Variants in FBN2 observed in about 807,000 individuals in gnomAD.
FBN2 encodes fibrillin-2.
Under a neutral mutation model 355.6 loss-of-function variants are expected in FBN2, and 105 were observed. The ratio of observed to expected loss-of-function variants is 0.30; its 90% CI spans 0.25 to 0.35. The LOEUF is 0.35. Ranked by LOEUF, FBN2 falls within the 10% of genes least tolerant of loss-of-function variation. The probability of loss-of-function intolerance (pLI) is 1.00; values close to 1 mark genes in which losing one functional copy is unlikely to be tolerated. For synonymous variants in FBN2, 1,350 were observed against 1,301.2 expected, an observed-to-expected ratio of 1.04 and a Z score of -0.81; for missense variants, 3,280 against 3,758.7, an observed-to-expected ratio of 0.87 and a Z score of 3.33.
chr5:128,316,779 A>G (rs1159830353), intron 36 of FBN2, among the ~76,000 whole-genome samples: 1 of 152,098 alleles, frequency 6.6e-6, no homozygotes, highest in Non-Finnish European at 1.5e-5. Context: ...GTTTGCTTAC[A>G]TTTTTTAATG....
At chr5:128,455,862 A>C (rs1014705513) in intron 6 of FBN2, among the ~76,000 whole-genome samples, 7 of 151,938 alleles carry the variant, frequency 4.6e-5, no homozygotes, top group Non-Finnish European at 7.4e-5. Context: ...TGGAACGTAC[A>C]GATTATTACA....
chr5:128,267,024 C>T (rs1452232230), intron 62 of FBN2, among the ~76,000 whole-genome samples: 2 of 151,058 alleles, frequency 1.3e-5, no homozygotes, highest in Non-Finnish European at 2.9e-5. Context: ...CCTTTCCCTG[C>T]GTCTATGTGT....
intron 8 of FBN2, among the ~76,000 whole-genome samples, chr5:128,402,853 T>G (rs1455925980): frequency 2.0e-5 from 3 of 152,242 alleles, no homozygotes; most frequent in Non-Finnish European, 4.4e-5. Flanking sequence ...CCTAAAATAC[T>G]TTCATGTTTA....
At chr5:128,419,074 C>T (rs977690688) in intron 7 of FBN2, among the ~76,000 whole-genome samples, 1 of 152,136 alleles carries the variant, frequency 6.6e-6, no homozygotes, top group Admixed American at 6.5e-5. Flanking sequence ...TAAATTTATT[C>T]CTAAGCCATT....
chr5:128,327,766 G>A (rs1354369439), intron 34 of FBN2, among the ~76,000 whole-genome samples: 1 of 152,052 alleles, frequency 6.6e-6, no homozygotes, highest in Non-Finnish European at 1.5e-5. Context: ...TGCCTCCTGA[G>A]TAGCTGGGAT....
intron 48 of FBN2, among the ~76,000 whole-genome samples, chr5:128,300,391 A>G (rs552556749): frequency 6.6e-6 from 1 of 152,202 alleles, no homozygotes; most frequent in Non-Finnish European, 1.5e-5. Flanking sequence ...CTGCTTTGAC[A>G]TGAGGCCTTC....
intron 55 of FBN2, 109 bp downstream of exon 55, chr5:128,286,609 A>G: frequency 7.6e-7 from 1 of 1,319,548 alleles, no homozygotes; most frequent in Admixed American, 1.7e-5. Flanking sequence ...CTGCCTTAAC[A>G]CAGCTGGAAA....
intron 7 of FBN2, among the ~76,000 whole-genome samples, chr5:128,441,111 A>G (rs949946212): frequency 2.0e-5 from 3 of 151,958 alleles, no homozygotes; most frequent in Non-Finnish European, 4.4e-5. Flanking sequence ...AAGGCTCTGT[A>G]TTTTTTTGCC....
Position 128,290,806 on chromosome 5 carries a change from G to A in FBN2, c.6371C>T (p.Ala2124Val), listed in dbSNP as rs1749300450. 6.2e-7 allele frequency: 1 copy of A among 1,614,062 alleles called. No homozygotes were observed. Among genetic ancestry groups the A allele is most frequent in the South Asian group, 1.1e-5 (1 of 91,084 alleles). ...TGGCATCTTACTACAGCAGCATTTT[G>A]CTTTTGTGGTGTTGAAAGCTTTGGG... Reference protein sequence around the residue: ...SVPKAFNTTKAKCCCSKMPGE... With the variant: ...SVPKAFNTTKVKCCCSKMPGE... Residue 2124 changes from alanine to valine, a missense_variant, in exon 50 of 65, where the codon GCA becomes GTA. Ala to Val is a moderately conservative substitution (Grantham distance 64). Transcript: ENST00000262464.
intron 5 of FBN2, among the ~76,000 whole-genome samples, chr5:128,515,143 CAA>C (rs1756246564): frequency 6.6e-6 from 1 of 152,078 alleles, no homozygotes; most frequent in Non-Finnish European, 1.5e-5. Context: ...CAGGAAAATC[CAA>C]ATTTGTCCAT....
intron 7 of FBN2, among the ~76,000 whole-genome samples, chr5:128,442,759 C>T (rs1753956170): frequency 6.6e-6 from 1 of 152,046 alleles, no homozygotes; most frequent in African/African-American, 2.4e-5. Flanking sequence ...CACACAAACA[C>T]ACCACATACA....
At chr5:128,327,161 A>G (rs914781404) in intron 34 of FBN2, among the ~76,000 whole-genome samples, 6 of 152,236 alleles carry the variant, frequency 3.9e-5, no homozygotes, top group Admixed American at 3.9e-4. Flanking sequence ...CTCACCCTAC[A>G]GTTGCCTTAT....
rs185055632 is a variant in FBN2, at chr5:128,478,407, T to A, written c.629-13486A>T. Among the ~76,000 whole-genome samples, 337 of 152,360 alleles carry A rather than the reference T, an allele frequency of 2.2e-3. 5 individuals carry two copies. The highest frequency in any genetic ancestry group is 6.8e-4 in the Non-Finnish European group (46 of 68,036). ...AAAAGCATTTTCAGAAATGTATTGT[T>A]ATTTTTTTCTTTTGGTAACCTTTAA... On this transcript the variant is annotated intron_variant, in intron 5 of 64. Coordinates refer to ENST00000262464, the MANE Select transcript of FBN2 (RefSeq NM_001999.4).
At chr5:128,395,302 T>C (rs752873507) in intron 8 of FBN2, 28 bp from the exon 9 acceptor site, 24 of 1,613,284 alleles carry the variant, frequency 1.5e-5, no homozygotes, top group East Asian at 2.2e-5. Context: ...AGACAGAAGA[T>C]ATGGCAGAAT....
Position 128,301,398 on chromosome 5 carries a change from A to T in FBN2, c.6030T>A (p.Asp2010Glu), listed in dbSNP as rs776937649. The change falls in exon 47 of 65, where the codon GAT becomes GAA. Residue 2010 changes from aspartate (D) to glutamate (E), a missense_variant. Physicochemically the swap from Asp to Glu is conservative, Grantham distance 45 (BLOSUM62 2). Coordinates refer to ENST00000262464, the MANE Select transcript of FBN2 (RefSeq NM_001999.4). ...LCNEGYELTP[D>E]GKNCIDTNEC... Reference sequence around the variant, plus strand: ...AATACTTACCTATACAGTTTTTGCCATCTGGGGTAAGTTCATAACCTTCGT... The same window carrying T: ...AATACTTACCTATACAGTTTTTGCCTTCTGGGGTAAGTTCATAACCTTCGT... 9 of 1,613,412 alleles carry T rather than the reference A, an allele frequency of 5.6e-6. No individual in the cohort carries two copies. Among genetic ancestry groups the T allele is most frequent in the Non-Finnish European group, 7.6e-6 (9 of 1,179,516 alleles).
chr5:128,476,239 C>T (rs373992780), intron 5 of FBN2, among the ~76,000 whole-genome samples: 1 of 151,922 alleles, frequency 6.6e-6, no homozygotes, highest in East Asian at 1.9e-4. Context: ...AAAGGAAAAC[C>T]ACAAAATATA....
At chr5:128,376,615 A>C in intron 14 of FBN2, 116 bp downstream of exon 14, 1 of 1,252,672 alleles carries the variant, frequency 8.0e-7, no homozygotes, top group African/African-American at 1.5e-5. Context: ...AATTAGCAAG[A>C]AATGTGAATA....
At chr5:128,505,607 T>C (rs1755935289) in intron 5 of FBN2, among the ~76,000 whole-genome samples, 1 of 152,172 alleles carries the variant, frequency 6.6e-6, no homozygotes, top group South Asian at 2.1e-4. Context: ...CCTGTTCCTG[T>C]GTCATTGTTC....
intron 2 of FBN2, among the ~76,000 whole-genome samples, chr5:128,532,725 T>C (rs914229449): frequency 1.3e-5 from 2 of 152,226 alleles, no homozygotes; most frequent in African/African-American, 4.8e-5. Context: ...ATCCATATAT[T>C]ACTACTAGCA....
Sources: allele counts gnomAD v4.1 joint callset (sites outside exome capture counted in the v4.1 genomes callset), GRCh38; gene constraint gnomAD v4.1.1; transcripts MANE v1.5; gene names NCBI Gene and HGNC (gene_info 2026-07-23, HGNC 2026-07-21).